Variants in PAX8 observed in about 807,000 individuals in gnomAD.
PAX8 encodes paired box 8.
PAX8 carries 15 observed loss-of-function variants against 52.4 expected under a neutral mutation model. That is an observed-to-expected ratio of 0.29 (90% confidence interval 0.19 to 0.44). The LOEUF is 0.44. Among genes scored for constraint, PAX8 ranks in the 20% least tolerant of loss-of-function variants. The pLI, the probability that PAX8 is intolerant of heterozygous loss-of-function variation, is 1.00. For missense variants in PAX8, 554 were observed against 602.5 expected (o/e 0.92, Z 0.84); for synonymous variants, 284 against 249.7 (o/e 1.14, Z -1.29).
chr2:113,220,753 G>A (rs980025693), intron 10 of PAX8, among the ~76,000 whole-genome samples: 3 of 152,192 alleles, frequency 2.0e-5, no homozygotes, highest in Non-Finnish European at 4.4e-5. Context: ...TGAGGGTTAA[G>A]GATGGGAGAG....
chr2:113,223,536 T>C (rs1689380075), intron 10 of PAX8, among the ~76,000 whole-genome samples: 1 of 152,340 alleles, frequency 6.6e-6, no homozygotes, highest in East Asian at 1.9e-4. Context: ...TGTGCTACCA[T>C]GCTAAACTAG....
At chr2:113,236,844 C>CAGGAGAGGT in intron 7 of PAX8, 123 bp from the exon 8 acceptor site, 1 of 1,085,092 alleles carries the variant, frequency 9.2e-7, no homozygotes. Flanking sequence ...CTCATCGCCC[C>CAGGAGAGGT]CTTCTTCCTT....
chr2:113,255,944 A>G (rs953514448), intron 2 of PAX8, among the ~76,000 whole-genome samples: 6 of 151,704 alleles, frequency 4.0e-5, no homozygotes, highest in Admixed American at 1.3e-4. Context: ...TTTCTGACTC[A>G]GGACTGTGTA....
chr2:113,225,329 T>G (rs1473415963), intron 10 of PAX8, among the ~76,000 whole-genome samples: 2 of 152,222 alleles, frequency 1.3e-5, no homozygotes, highest in Non-Finnish European at 2.9e-5. Context: ...TTTATTCACT[T>G]TAATTGCAGG....
intron 7 of PAX8, chr2:113,238,437 C>T (rs533143373): frequency 6.6e-6 from 1 of 152,630 alleles, no homozygotes; most frequent in African/African-American, 2.4e-5. Context: ...GTTTAAAATG[C>T]TTTATGGATG....
At chr2:113,240,408 A>T (rs73955181) in intron 7 of PAX8, 1 of 152,048 alleles carries the variant, frequency 6.6e-6, no homozygotes, top group Non-Finnish European at 1.5e-5. Flanking sequence ...CCATTGTCCT[A>T]CTCGGTTCTT....
chr2:113,231,351 G>A (rs1371469053), intron 9 of PAX8, among the ~76,000 whole-genome samples: 1 of 152,226 alleles, frequency 6.6e-6, no homozygotes, highest in Non-Finnish European at 1.5e-5. Context: ...AGTGTGTTGG[G>A]ACTCCAGACT....
chr2:113,261,326 C>G (rs1692661594), intron 2 of PAX8, among the ~76,000 whole-genome samples: 1 of 152,174 alleles, frequency 6.6e-6, no homozygotes. Context: ...GTCTACAACT[C>G]TGGGACTGCC....
intron 9 of PAX8, among the ~76,000 whole-genome samples, chr2:113,231,837 T>C (rs1386659138): frequency 6.6e-6 from 1 of 152,234 alleles, no homozygotes; most frequent in African/African-American, 2.4e-5. Context: ...TAAGCAATTC[T>C]CCTGCCTCAG....
chr2:113,249,441 CACCCAA>C (rs1231103689), intron 2 of PAX8, among the ~76,000 whole-genome samples: 3 of 152,172 alleles, frequency 2.0e-5, no homozygotes, highest in Non-Finnish European at 4.4e-5. Context: ...GGGCCGTATC[CACCCAA>C]ACCTAGGTGT....
intron 2 of PAX8, chr2:113,267,552 A>C (rs1173332850): frequency 6.6e-6 from 1 of 152,252 alleles, no homozygotes; most frequent in African/African-American, 2.4e-5. Flanking sequence ...CAGGGAGGTC[A>C]CATGTCAGTG....
intron 11 of PAX8, among the ~76,000 whole-genome samples, chr2:113,219,264 G>A (rs933471067): frequency 1.1e-4 from 17 of 152,296 alleles, no homozygotes; most frequent in Non-Finnish European, 2.1e-4. Flanking sequence ...GGGAGGAGAG[G>A]GGGTCTTGGG....
chr2:113,216,891 A>G lies in PAX8; in HGVS notation c.*1642T>C. The G allele has an allele frequency of 4.4e-6, 1 of 227,826 alleles. No homozygotes were observed. Among genetic ancestry groups the G allele is most frequent in the East Asian group, 6.3e-5 (1 of 15,980 alleles). 14.1% of individuals were successfully genotyped at this position (227,826 alleles called of 1,614,324 possible). On this transcript the variant is annotated 3_prime_UTR_variant, in exon 12 of 12. Transcript: ENST00000429538. ...TTTTTTTCAAAGCCTCAGTTTCCTCATATGTAAAATGAAGCTGTATGTAAA... is the reference window on the plus strand; with the variant it reads ...TTTTTTTCAAAGCCTCAGTTTCCTCGTATGTAAAATGAAGCTGTATGTAAA...
intron 7 of PAX8, chr2:113,241,297 G>A (rs117178339): frequency 2.0e-5 from 12 of 595,268 alleles, no homozygotes; most frequent in African/African-American, 1.9e-4. Context: ...GCATCATCAG[G>A]TTGTGCTGCC....
chr2:113,256,177 G>A (rs1401487344), intron 2 of PAX8, among the ~76,000 whole-genome samples: 2 of 152,168 alleles, frequency 1.3e-5, no homozygotes, highest in African/African-American at 2.4e-5. Context: ...GCTTTAATAT[G>A]GGGAATTGTT....
chr2:113,244,983 A>G (rs1193256657), intron 3 of PAX8, among the ~76,000 whole-genome samples: 1 of 151,886 alleles, frequency 6.6e-6, no homozygotes, highest in Non-Finnish European at 1.5e-5. Context: ...TGTGAATGAC[A>G]GGGGCACAGC....
Position 113,242,114 on chromosome 2 carries a change from T to C in PAX8, c.495A>G (p.Val165=). The change falls in exon 6 of 12, where the codon GTA becomes GTG. Residue 165 remains valine (V), a synonymous_variant. Transcript: ENST00000429538. The part of the protein sequence containing the change: ...PGHTLIPSSA[V]TPPESPQSDS... ...CCGACTGGGGTGACTCCGGGGGAGT[T>C]ACAGCTGAGCTGGGGACTGCAGTGG... 23 of 1,613,320 alleles carry C rather than the reference T, an allele frequency of 1.4e-5. No individual in the cohort carries two copies. Among genetic ancestry groups the C allele is most frequent in the Non-Finnish European group, 1.9e-5 (22 of 1,179,520 alleles).
Position 113,230,809 on chromosome 2 carries a change from C to G in PAX8, c.1088-3553G>C, listed in dbSNP as rs1689844642. Among the ~76,000 whole-genome samples, 3 of 152,362 alleles carry G rather than the reference C, an allele frequency of 2.0e-5. No homozygotes were observed. In the South Asian group the frequency reaches 6.2e-4, roughly 32 times the overall value. Reference sequence around the variant, plus strand: ...AACTCCATCACGGCCTAACCATGCCCTCTTACCTACTTCTCTGTTTTTAAG... The same window carrying G: ...AACTCCATCACGGCCTAACCATGCCGTCTTACCTACTTCTCTGTTTTTAAG... On this transcript the variant is annotated intron_variant, in intron 9 of 11. Coordinates refer to ENST00000429538, the MANE Select transcript of PAX8 (RefSeq NM_003466.4).
intron 2 of PAX8, chr2:113,263,541 G>A (rs7558326): frequency 0.17 from 25,469 of 152,192 alleles, 2,319 homozygotes; most frequent in African/African-American, 0.24. Flanking sequence ...ATCCCATGAG[G>A]TAGGTGGGGC....
Sources: allele counts gnomAD v4.1 joint callset (sites outside exome capture counted in the v4.1 genomes callset), GRCh38; gene constraint gnomAD v4.1.1; transcripts MANE v1.5; gene names NCBI Gene and HGNC (gene_info 2026-07-23, HGNC 2026-07-21).